Variants in PTPRQ observed in about 807,000 individuals in gnomAD.
The protein encoded by PTPRQ is phosphatidylinositol phosphatase PTPRQ.
Under a neutral mutation model 246.0 loss-of-function variants are expected in PTPRQ, and 199 were observed. That is an observed-to-expected ratio of 0.81 (90% CI 0.72 to 0.91). The LOEUF (loss-of-function observed/expected upper bound fraction) is 0.91. Ranked by LOEUF, PTPRQ falls within the 40% of genes least tolerant of loss-of-function variation. The pLI, the probability that PTPRQ is intolerant of heterozygous loss-of-function variation, is 0.00. For missense variants in PTPRQ, 2,624 were observed against 2,528.4 expected, an observed-to-expected ratio of 1.04 and a Z score of -0.81; for synonymous variants, 869 against 853.2, an observed-to-expected ratio of 1.02 and a Z score of -0.32.
chr12:80,560,924 G>A (rs1896804900), intron 25 of PTPRQ: 1 of 153,992 alleles, frequency 6.5e-6, no homozygotes, highest in South Asian at 2.0e-4. Flanking sequence ...CAAAATTGGA[G>A]CTGAAATAGT....
intron 9 of PTPRQ, among the ~76,000 whole-genome samples, chr12:80,489,929 C>A (rs2120632526): frequency 6.6e-6 from 1 of 151,956 alleles, no homozygotes; most frequent in South Asian, 2.1e-4. Context: ...GATATAGATG[C>A]ATCTTTTCAT....
At chr12:80,653,759 A>G (rs1900332143) in intron 38 of PTPRQ, among the ~76,000 whole-genome samples, 1 of 152,224 alleles carries the variant, frequency 6.6e-6, no homozygotes, top group Non-Finnish European at 1.5e-5. Context: ...AAACAGACCA[A>G]ATTCTGATAT....
chr12:80,635,045 C>T lies in PTPRQ; in HGVS notation c.5887C>T (p.Leu1963=), dbSNP rs1457960974. Residue 1963 remains leucine, a synonymous_variant, in exon 35 of 45, where the codon CTG becomes TTG. Transcript: ENST00000644991. ...GGATCAGCTCATCACAGTGGCAGAC[C>T]TGGAACTGAAGGACGAGAGATTAAC... ...KLDQLITVAD[L]ELKDERLTRL... The T allele has an allele frequency of 6.4e-7, 1 of 1,550,982 alleles. No individual in the cohort carries two copies. The highest frequency in any genetic ancestry group is 8.7e-7 in the Non-Finnish European group (1 of 1,146,724).
At position 80,479,318 on chromosome 12, in the gene PTPRQ, G is replaced by A. The variant is rs1330379737; in HGVS notation, c.1187-5115G>A. On this transcript the variant is annotated intron_variant, in intron 8 of 44. Coordinates refer to ENST00000644991, the MANE Select transcript of PTPRQ (RefSeq NM_001145026.2). Reference sequence around the variant, plus strand: ...GAGAAATAAAATACTTTACAGACAAGCAAATGCTGAGAGATTTTGTCACCA... The same window carrying A: ...GAGAAATAAAATACTTTACAGACAAACAAATGCTGAGAGATTTTGTCACCA... 2.0e-5 allele frequency among the ~76,000 whole-genome samples: 3 copies of A among 148,690 alleles called. No individual in the cohort carries two copies. In the East Asian group the frequency reaches 5.9e-4, roughly 29 times the overall value.
chr12:80,551,750 T>C (rs923471637), intron 25 of PTPRQ, among the ~76,000 whole-genome samples: 20 of 152,202 alleles, frequency 1.3e-4, no homozygotes, highest in African/African-American at 4.8e-4. Flanking sequence ...TATCCTTTTA[T>C]TGTATCTTCT....
chr12:80,660,806 A>G (rs12832887), intron 39 of PTPRQ, among the ~76,000 whole-genome samples: 2 of 152,114 alleles, frequency 1.3e-5, no homozygotes, highest in African/African-American at 4.8e-5. Flanking sequence ...CAAGAGATAC[A>G]TTTTATAAAT....
In PTPRQ at chr12:80,543,056, A is replaced by G. The variant is rs4341604; in HGVS notation, c.3873+175A>G. Among the ~76,000 whole-genome samples the G allele has an allele frequency of 0.55, 83,393 of 151,930 alleles. 27,434 individuals are homozygous for G. Among genetic ancestry groups the G allele is most frequent in the Non-Finnish European group, 0.72 (48,867 of 67,884 alleles). On this transcript the variant is annotated intron_variant, in intron 23 of 44. Coordinates refer to ENST00000644991, the MANE Select transcript of PTPRQ (RefSeq NM_001145026.2). ...GAAAACACAAGCAAGCGTTTGACAG[A>G]TATATAAGCTGAATACTTCATAGAG...
chr12:80,513,798 A>G (rs1236383148), intron 17 of PTPRQ, among the ~76,000 whole-genome samples: 2 of 152,128 alleles, frequency 1.3e-5, no homozygotes, highest in East Asian at 3.9e-4. Context: ...TCCTTGGTCC[A>G]ACCTCAAGGC....
chr12:80,670,254 G>T (rs1900926296), intron 41 of PTPRQ, 90 bp from the exon 42 acceptor site: 2 of 1,496,180 alleles, frequency 1.3e-6, no homozygotes, highest in African/African-American at 1.4e-5. Context: ...ATTTTTAAAA[G>T]ATCACCTTCA....
At chr12:80,612,031 C>T (rs981778773) in intron 28 of PTPRQ, among the ~76,000 whole-genome samples, 1 of 150,250 alleles carries the variant, frequency 6.7e-6, no homozygotes, top group Non-Finnish European at 1.5e-5. Flanking sequence ...GAACTGTTGA[C>T]AGCCAAATAT....
At chr12:80,504,540 C>T (rs561127413) in intron 14 of PTPRQ, among the ~76,000 whole-genome samples, 319 of 151,734 alleles carry the variant, frequency 2.1e-3, no homozygotes, top group African/African-American at 7.2e-3. Context: ...TGCTGACTTT[C>T]ACTATTGATA....
chr12:80,549,758 T>C, intron 25 of PTPRQ, 24 bp downstream of exon 25: 1 of 1,520,194 alleles, frequency 6.6e-7, no homozygotes, highest in Non-Finnish European at 8.8e-7. Context: ...AACAGGTAAC[T>C]AACATGAAAC....
Position 80,668,995 on chromosome 12 carries a change from A to T in PTPRQ, c.6193-12A>T, listed in dbSNP as rs1263366087. ...ACACAGTGATGCAGTGTTTGTAATT[A>T]TATCCTTCTAGGGTTATTTATGTCC... is the stretch of plus-strand genomic sequence containing the variant. On this transcript the variant is annotated splice_polypyrimidine_tract_variant and intron_variant, in intron 39 of 44. Coordinates refer to ENST00000644991, the MANE Select transcript of PTPRQ (RefSeq NM_001145026.2). 6.5e-7 allele frequency: 1 copy of T among 1,545,096 alleles called. No individual in the cohort carries two copies. The highest frequency in any genetic ancestry group is 8.7e-7 in the Non-Finnish European group (1 of 1,143,482).
At chr12:80,516,011 T>C (rs2120736587) in intron 17 of PTPRQ, among the ~76,000 whole-genome samples, 1 of 151,896 alleles carries the variant, frequency 6.6e-6, no homozygotes, top group South Asian at 2.1e-4. Flanking sequence ...ATCAAGATGG[T>C]AAACTAGCAT....
chr12:80,595,820 A>T (rs536712328), intron 26 of PTPRQ, among the ~76,000 whole-genome samples: 1 of 149,750 alleles, frequency 6.7e-6, no homozygotes, highest in Non-Finnish European at 1.5e-5. Context: ...GCGGTGTTTG[A>T]AAACCAGTAT....
At position 80,553,265 on chromosome 12, in the gene PTPRQ, G is replaced by A. The variant is rs549031166; in HGVS notation, c.4285+3531G>A. Among the ~76,000 whole-genome samples the A allele has an allele frequency of 1.2e-4, 18 of 151,590 alleles. No homozygotes were observed. In the South Asian group the frequency reaches 3.8e-3, roughly 32 times the overall value. On this transcript the variant is annotated intron_variant, in intron 25 of 44. Transcript: ENST00000644991. ...ATATAAAGCATGAGTATTAATTGCTGCTTCAAAAATATTTTGATTTTTATT... is the reference window on the plus strand; with the variant it reads ...ATATAAAGCATGAGTATTAATTGCTACTTCAAAAATATTTTGATTTTTATT...
intron 17 of PTPRQ, among the ~76,000 whole-genome samples, chr12:80,527,099 C>T (rs535833500): frequency 1.3e-5 from 2 of 152,048 alleles, no homozygotes; most frequent in South Asian, 4.1e-4. Context: ...CAACACATGG[C>T]AAACTTTCAG....
At chr12:80,483,987 T>TTTTG (rs71094983) in intron 8 of PTPRQ, among the ~76,000 whole-genome samples, 74,542 of 149,158 alleles carry the variant, frequency 0.5, 20,919 homozygotes, top group Non-Finnish European at 0.63. Context: ...CTTTCTTGTT[T>TTTTG]TTTGTTTGTT....
Position 80,680,131 on chromosome 12 carries a change from T to C in PTPRQ, c.*1108T>C, listed in dbSNP as rs1191308905. 1 of 151,776 alleles carries C rather than the reference T, an allele frequency of 6.6e-6. No individual in the cohort carries two copies. The highest frequency in any genetic ancestry group is 1.5e-5 in the Non-Finnish European group (1 of 67,844). 9.4% of individuals were successfully genotyped at this position (151,776 alleles called of 1,614,324 possible). A position where few individuals can be genotyped will look rare whatever the true frequency, so the allele number is the denominator to read the frequency against. On this transcript the variant is annotated 3_prime_UTR_variant, in exon 45 of 45. Coordinates refer to ENST00000644991, the MANE Select transcript of PTPRQ (RefSeq NM_001145026.2). ...GTGGTAAGTTTTGAATTACATGAAC[T>C]CATTTTGTCATAGATTTCAATTAAG...
Sources: gnomAD v4.1 joint callset for allele counts (sites outside exome capture counted in the v4.1 genomes callset) on GRCh38, gnomAD v4.1.1 for gene constraint, MANE v1.5 for transcripts, NCBI Gene and HGNC (gene_info 2026-07-23, HGNC 2026-07-21) for gene names.